Variants in KIAA1586 observed in about 807,000 individuals in gnomAD.
The protein encoded by KIAA1586 is E3 SUMO-protein ligase KIAA1586.
In KIAA1586, 5 loss-of-function variants were observed where a neutral mutation model predicts 6.1. The ratio of observed to expected loss-of-function variants is 0.82; its 90% CI spans 0.43 to 1.73. The LOEUF (loss-of-function observed/expected upper bound fraction) is 1.73. KIAA1586 is among the 40% of genes most tolerant of loss of function. KIAA1586 has a pLI of 0.02. For synonymous variants in KIAA1586, 280 were observed against 301.7 expected, an observed-to-expected ratio of 0.93 and a Z score of 0.75; for missense variants, 899 against 878.2, an observed-to-expected ratio of 1.02 and a Z score of -0.30.
At chr6:57,062,911 C>T in the KIAA1586 span, among the ~76,000 whole-genome samples, 2 of 152,036 alleles carry the variant, frequency 1.3e-5, no homozygotes, top group Admixed American at 6.5e-5. Flanking sequence ...ATTAGCCGGG[C>T]GTGGCGGCAT....
At chr6:57,062,845 G>A in the KIAA1586 span, among the ~76,000 whole-genome samples, 5 of 152,284 alleles carry the variant, frequency 3.3e-5, no homozygotes, top group South Asian at 8.3e-4. Flanking sequence ...GAGCTCAGGA[G>A]TTTGAGACCA....
the KIAA1586 span, among the ~76,000 whole-genome samples, chr6:57,061,080 C>T: frequency 1.7e-3 from 258 of 151,864 alleles, no homozygotes; most frequent in African/African-American, 5.9e-3. Flanking sequence ...CTGGTTCAAG[C>T]GATTCTCCTG....
At chr6:57,056,702 A>G (rs1438070632), downstream of KIAA1586, among the ~76,000 whole-genome samples, 1 of 151,730 alleles carries the variant, frequency 6.6e-6, no homozygotes, top group Non-Finnish European at 1.5e-5. Flanking sequence ...ACACCCAGCT[A>G]GTTTTTATAT....
the KIAA1586 span, among the ~76,000 whole-genome samples, chr6:57,060,622 C>T: frequency 2.0e-5 from 3 of 152,046 alleles, no homozygotes; most frequent in Non-Finnish European, 1.5e-5. Flanking sequence ...TTGCTGAGGT[C>T]AAGGTAGCTG....
chr6:57,047,992 G>A (rs1163816792), intron 2 of KIAA1586, among the ~76,000 whole-genome samples: 1 of 149,354 alleles, frequency 6.7e-6, no homozygotes, highest in Non-Finnish European at 1.5e-5. Context: ...CCCCACTGCA[G>A]ACCTACCGAA....
chr6:57,059,507 CG>C (rs1222028013), downstream of KIAA1586, among the ~76,000 whole-genome samples: 6 of 150,048 alleles, frequency 4.0e-5, no homozygotes, highest in Non-Finnish European at 8.8e-5. Context: ...AGGAGAATGG[CG>C]TGAACCCGGG....
chr6:57,062,862 G>A, the KIAA1586 span, among the ~76,000 whole-genome samples: 1 of 152,098 alleles, frequency 6.6e-6, no homozygotes, highest in Non-Finnish European at 1.5e-5. Flanking sequence ...ACCAGCCTGG[G>A]CAACATGGTG....
intron 2 of KIAA1586, among the ~76,000 whole-genome samples, chr6:57,048,714 C>T (rs1455024681): frequency 6.6e-6 from 1 of 152,116 alleles, no homozygotes; most frequent in Non-Finnish European, 1.5e-5. Context: ...ATGATTGGGA[C>T]AGATGATCTT....
At position 57,054,917 on chromosome 6, in the gene KIAA1586, A is replaced by G. The variant is rs2127912747; in HGVS notation, c.*54A>G. The G allele has an allele frequency of 1.4e-6, 2 of 1,424,572 alleles. No individual in the cohort carries two copies. Among genetic ancestry groups the G allele is most frequent in the Middle Eastern group, 1.9e-4 (1 of 5,208 alleles). The allele number at this position is 1,424,572 out of a possible 1,614,324, so 88.2% of individuals were successfully genotyped here. A position where few individuals can be genotyped will look rare whatever the true frequency, so the allele number is the denominator to read the frequency against. ...AAATTATGTACTACACATCCTTTAT[A>G]TACATAAAGGTCTTTTTTTTTTTTG... On this transcript the variant is annotated 3_prime_UTR_variant, in exon 4 of 4. Coordinates refer to ENST00000370733, the MANE Select transcript of KIAA1586 (RefSeq NM_020931.4).
At chr6:57,055,234 G>T (rs1170830598), downstream of KIAA1586, 1 of 154,020 alleles carries the variant, frequency 6.5e-6, no homozygotes, top group Non-Finnish European at 1.4e-5. Context: ...AAGCCTTTTG[G>T]CTCTTGTCTT....
downstream of KIAA1586, among the ~76,000 whole-genome samples, chr6:57,057,761 CAAAA>C (rs1400724561): frequency 6.6e-6 from 1 of 151,760 alleles, no homozygotes; most frequent in African/African-American, 2.4e-5. Flanking sequence ...CAAAAAAAAA[CAAAA>C]AACAAATTTA....
downstream of KIAA1586, among the ~76,000 whole-genome samples, chr6:57,058,832 G>A (rs1044386299): frequency 2.0e-5 from 3 of 152,034 alleles, no homozygotes; most frequent in Non-Finnish European, 4.4e-5. Flanking sequence ...TTAAATTTAG[G>A]GTTGCTTTTC....
In KIAA1586 at chr6:57,052,366, T is replaced by G. The variant is rs1202360440; in HGVS notation, c.187-320T>G. ...AATACTTCATTTTATACAAGGGACT[T>G]GAGCATGGGAGGATTTTGGTATGGG... On this transcript the variant is annotated intron_variant, in intron 3 of 3. Transcript: ENST00000370733. Among the ~76,000 whole-genome samples the G allele has an allele frequency of 4.6e-5, 7 of 152,188 alleles. 1 individual carries two copies. The highest frequency in any genetic ancestry group is 1.7e-4 in the African/African-American group (7 of 41,452).
chr6:57,063,681 C>G, the KIAA1586 span, among the ~76,000 whole-genome samples: 2 of 151,732 alleles, frequency 1.3e-5, no homozygotes, highest in African/African-American at 4.8e-5. Flanking sequence ...CTCAAACTTC[C>G]GACCTCAAGC....
rs577941240 is a variant in KIAA1586, at chr6:57,052,714, AG to A, written c.218del (p.Gly73ValfsTer7). Reference protein sequence around the residue: ...DILFPKMPKRQGDFLHFLNVK... With the variant: ...DILFPKMPKRXGDFLHFLNVK... ...CTGTTTCCTAAAATGCCAAAACGAC[AG>A]GGTGATTTTTTGCATTTTTTAAATG... On this transcript the variant is annotated frameshift_variant, in exon 4 of 4. Transcript: ENST00000370733. LOFTEE classifies it low-confidence loss of function (END_TRUNC). 251 of 1,571,384 alleles carry A rather than the reference AG, an allele frequency of 1.6e-4. No homozygotes were observed. In the African/African-American group the frequency reaches 3.2e-3, roughly 20 times the overall value.
chr6:57,053,595 T>G lies in KIAA1586; in HGVS notation c.1096T>G (p.Leu366Val). ...TATAGCAGAGTGTATTGTCAATACA[T>G]TATTGACTACTTTAAATGATTGTGG... Reference protein sequence around the residue: ...STIAECIVNTLLTTLNDCGFT... With the variant: ...STIAECIVNTVLTTLNDCGFT... The change falls in exon 4 of 4, where the codon TTA becomes GTA. Residue 366 changes from leucine to valine, a missense_variant. Leu to Val is a conservative substitution (Grantham distance 32). Coordinates refer to ENST00000370733, the MANE Select transcript of KIAA1586 (RefSeq NM_020931.4). 6.2e-7 allele frequency: 1 copy of G among 1,604,842 alleles called. No individual in the cohort carries two copies. Among genetic ancestry groups the G allele is most frequent in the Non-Finnish European group, 8.5e-7 (1 of 1,172,396 alleles).
At chr6:57,056,049 ATTCT>A (rs1828492724), downstream of KIAA1586, among the ~76,000 whole-genome samples, 1 of 151,986 alleles carries the variant, frequency 6.6e-6, no homozygotes, top group Non-Finnish European at 1.5e-5. Flanking sequence ...AATAGCTGAG[ATTCT>A]TTTTTTTTTT....
At chr6:57,065,347 A>G in the KIAA1586 span, among the ~76,000 whole-genome samples, 1 of 152,194 alleles carries the variant, frequency 6.6e-6, no homozygotes, top group Admixed American at 6.5e-5. Context: ...AAAGAGGTAT[A>G]TCCGGTGTTG....
downstream of KIAA1586, among the ~76,000 whole-genome samples, chr6:57,059,901 T>C (rs1421193195): frequency 6.6e-6 from 1 of 152,198 alleles, no homozygotes; most frequent in Non-Finnish European, 1.5e-5. Context: ...TCATCCACCT[T>C]GCCCTGTCTC....
Sources: allele counts gnomAD v4.1 joint callset (sites outside exome capture counted in the v4.1 genomes callset), GRCh38; gene constraint gnomAD v4.1.1; transcripts MANE v1.5; gene names NCBI Gene and HGNC (gene_info 2026-07-23, HGNC 2026-07-21).